The following NBAS variants were observed in gnomAD, a reference collection of about 807,000 sequenced individuals.
NBAS encodes NAG/BC035112 fusion.
NBAS carries 219 observed loss-of-function variants against 302.5 expected under a neutral mutation model. That is an observed-to-expected ratio of 0.72 (90% CI 0.65 to 0.81). The LOEUF is 0.81. Ranked by LOEUF, NBAS falls within the 30% of genes least tolerant of loss-of-function variation. The pLI, the probability that NBAS is intolerant of heterozygous loss-of-function variation, is 0.00. For missense variants in NBAS, 2,932 were observed against 2,841.6 expected (o/e 1.03, Z -0.72); for synonymous variants, 1,118 against 1,021.6 (o/e 1.09, Z -1.80).
intron 21 of NBAS, among the ~76,000 whole-genome samples, chr2:15,434,961 CAG>C (rs760977912): frequency 2.0e-5 from 3 of 152,280 alleles, no homozygotes; most frequent in Non-Finnish European, 2.9e-5. Flanking sequence ...GAGAGAAAAA[CAG>C]AGAGACCCTT....
intron 19 of NBAS, among the ~76,000 whole-genome samples, chr2:15,462,583 T>C (rs777251644): frequency 6.9e-6 from 1 of 144,640 alleles, no homozygotes; most frequent in African/African-American, 2.6e-5. Flanking sequence ...ATTAATTTGC[T>C]GAGACAGGAA....
intron 50 of NBAS, among the ~76,000 whole-genome samples, chr2:15,183,221 A>C (rs1303358457): frequency 6.6e-6 from 1 of 152,198 alleles, no homozygotes; most frequent in Admixed American, 6.5e-5. Flanking sequence ...TTCACATTTG[A>C]GCACATTTAG....
the NBAS span, among the ~76,000 whole-genome samples, chr2:14,894,498 C>T: frequency 6.6e-6 from 1 of 151,608 alleles, no homozygotes; most frequent in Non-Finnish European, 1.5e-5. Flanking sequence ...GATAGCCATG[C>T]AAATGAAAGA....
At chr2:15,277,764 A>T (rs1669650843) in intron 42 of NBAS, among the ~76,000 whole-genome samples, 1 of 152,100 alleles carries the variant, frequency 6.6e-6, no homozygotes. Context: ...AGTCACTTAA[A>T]CTCTTGGGAA....
chr2:15,336,754 T>C (rs1197811062), intron 35 of NBAS, among the ~76,000 whole-genome samples: 1 of 152,090 alleles, frequency 6.6e-6, no homozygotes, highest in Admixed American at 6.6e-5. Context: ...TCTCATATGT[T>C]GTATTCAGAG....
At chr2:15,207,504 G>A (rs1426797087) in intron 48 of NBAS, among the ~76,000 whole-genome samples, 1 of 152,188 alleles carries the variant, frequency 6.6e-6, no homozygotes, top group Non-Finnish European at 1.5e-5. Context: ...AAGTGAAAGG[G>A]ATAAGAGATT....
At chr2:15,035,129 T>TTTC in the NBAS span, among the ~76,000 whole-genome samples, 2 of 151,916 alleles carry the variant, frequency 1.3e-5, no homozygotes, top group Non-Finnish European at 2.9e-5. Flanking sequence ...TTTTTTTTTT[T>TTTC]TTCCAGTTTT....
intron 35 of NBAS, among the ~76,000 whole-genome samples, chr2:15,350,714 A>G (rs1673312872): frequency 6.6e-6 from 1 of 152,204 alleles, no homozygotes; most frequent in African/African-American, 2.4e-5. Flanking sequence ...AAGAGAATCG[A>G]ACAAGTACCT....
rs1274535896 is a variant in NBAS at position 15,468,502 on chromosome 2, T to C, written c.1757A>G (p.His586Arg). ...TTCAGGAACTCTTTCCAAACACTCA[T>C]GGAGAACCCAGGATCGCTTCTTTAT... is the stretch of plus-strand genomic sequence containing the variant. ...SKIKKRSWVL[H>R]ECLERVPENV... Residue 586 changes from histidine to arginine, a missense_variant, in exon 17 of 52, where the codon CAT becomes CGT. Coordinates refer to ENST00000281513, the MANE Select transcript of NBAS (RefSeq NM_015909.4). 5.0e-6 allele frequency: 8 copies of C among 1,614,064 alleles called. No individual in the cohort carries two copies. The highest frequency in any genetic ancestry group is 3.3e-4 in the Middle Eastern group (2 of 6,062).
At chr2:14,959,988 G>A in the NBAS span, among the ~76,000 whole-genome samples, 1 of 152,094 alleles carries the variant, frequency 6.6e-6, no homozygotes, top group Non-Finnish European at 1.5e-5. Context: ...AAATTCTACT[G>A]TATTGACAGC....
Position 15,171,437 on chromosome 2 carries a change from T to C in NBAS, c.6841-4114A>G, listed in dbSNP as rs76726591. 7.3e-3 allele frequency among the ~76,000 whole-genome samples: 1,118 copies of C among 152,364 alleles called. 11 individuals carry two copies. The highest frequency in any genetic ancestry group is 0.024 in the African/African-American group (1,012 of 41,580). ...TCATTATATGCTAAGAATTTTTAAA[T>C]TGTTTTTTACATAGTTTTCAGTCTT... is the stretch of plus-strand genomic sequence containing the variant. On this transcript the variant is annotated intron_variant, in intron 51 of 51. Coordinates refer to ENST00000281513, the MANE Select transcript of NBAS (RefSeq NM_015909.4).
the NBAS span, among the ~76,000 whole-genome samples, chr2:15,117,562 A>G: frequency 1.3e-5 from 2 of 152,216 alleles, 1 homozygote; most frequent in South Asian, 4.1e-4. Flanking sequence ...TAAGTTTGGA[A>G]ATACCTGTTT....
Position 15,379,845 on chromosome 2 carries a change from G to A in NBAS, c.3361-14C>T, listed in dbSNP as rs1558287219. The stretch of plus-strand genomic sequence containing the variant: ...TTCTGTAAATATCTGGAAAAAAGGA[G>A]AAACTGGAATTAGTTATAGAGAGGG... On this transcript the variant is annotated splice_polypyrimidine_tract_variant and intron_variant, in intron 29 of 51. Coordinates refer to ENST00000281513, the MANE Select transcript of NBAS (RefSeq NM_015909.4). 1 of 1,605,488 alleles carries A rather than the reference G, an allele frequency of 6.2e-7. No individual in the cohort carries two copies. The highest frequency in any genetic ancestry group is 1.7e-5 in the Admixed American group (1 of 59,994).
chr2:15,245,992 A>G (rs1447377447), intron 44 of NBAS, among the ~76,000 whole-genome samples: 1 of 152,202 alleles, frequency 6.6e-6, no homozygotes, highest in African/African-American at 2.4e-5. Flanking sequence ...GATTTATAAT[A>G]TTAAACAGTT....
intron 47 of NBAS, among the ~76,000 whole-genome samples, chr2:15,220,008 G>A (rs1292405999): frequency 3.4e-5 from 5 of 146,928 alleles, no homozygotes; most frequent in African/African-American, 7.6e-5. Context: ...CCTCCCGGAC[G>A]GGGCGGCTGG....
rs186027391 is a variant in NBAS, at chr2:15,359,196, G to A, written c.3818-2780C>T. On this transcript the variant is annotated intron_variant, in intron 32 of 51. Coordinates refer to ENST00000281513, the MANE Select transcript of NBAS (RefSeq NM_015909.4). Reference sequence around the variant, plus strand: ...AAACCTTACTTCTTGCTATTCAAGAGTTATTAATCACTAAGTGACTTCTGC... The same window carrying A: ...AAACCTTACTTCTTGCTATTCAAGAATTATTAATCACTAAGTGACTTCTGC... Among the ~76,000 whole-genome samples, 4 of 151,654 alleles carry A rather than the reference G, an allele frequency of 2.6e-5. No homozygotes were observed. The East Asian group carries it at 5.8e-4, about 22-fold the overall frequency.
At chr2:14,903,399 T>C in the NBAS span, among the ~76,000 whole-genome samples, 3 of 150,248 alleles carry the variant, frequency 2.0e-5, no homozygotes, top group Non-Finnish European at 4.4e-5. Flanking sequence ...GAAAAATACA[T>C]ATAAAGTATT....
chr2:15,348,184 G>T (rs991275280), intron 35 of NBAS, among the ~76,000 whole-genome samples: 2 of 152,152 alleles, frequency 1.3e-5, no homozygotes, highest in Non-Finnish European at 2.9e-5. Context: ...AATCAAAGCC[G>T]TAATGCGTGC....
At chr2:15,276,722 C>T (rs1669597771) in intron 43 of NBAS, 129 bp downstream of exon 43, 15 of 1,357,126 alleles carry the variant, frequency 1.1e-5, no homozygotes, top group African/African-American at 7.3e-5. Flanking sequence ...TAACTAAAGT[C>T]GATTAGCTTC....
Sources: gnomAD v4.1 joint callset for allele counts (sites outside exome capture counted in the v4.1 genomes callset) on GRCh38, gnomAD v4.1.1 for gene constraint, MANE v1.5 for transcripts, NCBI Gene and HGNC (gene_info 2026-07-23, HGNC 2026-07-21) for gene names.